RBFOX1: variants seen among roughly 807,000 people sequenced by gnomAD.
RBFOX1 encodes RNA binding fox-1 homolog 1.
A neutral mutation model predicts 57.7 loss-of-function variants in RBFOX1; 8 were observed. The observed-to-expected ratio is 0.14, with a 90% confidence interval of 0.08 to 0.25. RBFOX1 has a LOEUF of 0.25. RBFOX1 is among the 10% of genes least tolerant of loss of function. The pLI is 1.00. For synonymous variants in RBFOX1, 326 were observed against 222.4 expected, an observed-to-expected ratio of 1.47 and a Z score of -4.15; for missense variants, 611 against 548.5, an observed-to-expected ratio of 1.11 and a Z score of -1.14.
intron 3 of RBFOX1, among the ~76,000 whole-genome samples, chr16:5,779,665 T>A (rs1296272770): frequency 6.6e-6 from 1 of 152,180 alleles, no homozygotes; most frequent in Non-Finnish European, 1.5e-5. Context: ...TACTGGAAAT[T>A]CTTCCAAAGG....
chr16:6,252,858 G>T (rs769015050), intron 1 of RBFOX1, among the ~76,000 whole-genome samples: 2 of 152,150 alleles, frequency 1.3e-5, no homozygotes, highest in South Asian at 4.1e-4. Flanking sequence ...TGAATGGATC[G>T]TGTAGGCACA....
chr16:7,455,002 T>G (rs1289517519), intron 4 of RBFOX1, among the ~76,000 whole-genome samples: 1 of 152,208 alleles, frequency 6.6e-6, no homozygotes, highest in African/African-American at 2.4e-5. Flanking sequence ...ATTTTGCTCA[T>G]GGGTTCATTT....
At chr16:5,696,721 CTTA>C (rs768407542) in intron 3 of RBFOX1, among the ~76,000 whole-genome samples, 48 of 152,290 alleles carry the variant, frequency 3.2e-4, no homozygotes, top group Non-Finnish European at 6.6e-4. Context: ...AGTTTACATT[CTTA>C]TGATATTGCC....
intron 3 of RBFOX1, among the ~76,000 whole-genome samples, chr16:7,024,850 C>T (rs1222243483): frequency 6.6e-6 from 1 of 152,140 alleles, no homozygotes; most frequent in East Asian, 1.9e-4. Flanking sequence ...GGCTGGGTGT[C>T]ACGTGGCTCA....
At chr16:7,219,699 C>A (rs113077835) in intron 4 of RBFOX1, among the ~76,000 whole-genome samples, 4,506 of 152,210 alleles carry the variant, frequency 0.03, 87 homozygotes, top group Middle Eastern at 0.058. Flanking sequence ...TCTGAGTACA[C>A]CCTGGAAACA....
chr16:6,330,115 G>A (rs926932950), intron 2 of RBFOX1, among the ~76,000 whole-genome samples: 9 of 152,084 alleles, frequency 5.9e-5, no homozygotes, highest in African/African-American at 1.4e-4. Flanking sequence ...TATGTCTGTA[G>A]TTTAATACTA....
intron 2 of RBFOX1, among the ~76,000 whole-genome samples, chr16:6,557,033 ACAC>A (rs2097109826): frequency 4.0e-5 from 5 of 124,492 alleles, no homozygotes; most frequent in African/African-American, 1.8e-4. Flanking sequence ...ATACATATAT[ACAC>A]ATATATATAC....
intron 4 of RBFOX1, among the ~76,000 whole-genome samples, chr16:5,884,357 C>G (rs2057841748): frequency 6.6e-6 from 1 of 152,004 alleles, no homozygotes; most frequent in South Asian, 2.1e-4. Flanking sequence ...GTCTGGCTTC[C>G]CAGACTAATT....
At chr16:5,699,818 G>C (rs987952852) in intron 3 of RBFOX1, among the ~76,000 whole-genome samples, 22 of 152,072 alleles carry the variant, frequency 1.4e-4, no homozygotes, top group African/African-American at 4.6e-4. Flanking sequence ...CATTATCTTT[G>C]TGTTCTGGTT....
At chr16:5,970,263 T>G (rs1437034549) in intron 4 of RBFOX1, among the ~76,000 whole-genome samples, 2 of 152,196 alleles carry the variant, frequency 1.3e-5, no homozygotes, top group Non-Finnish European at 2.9e-5. Context: ...TTTACTCATT[T>G]TGTTCTGGTT....
chr16:7,657,531 C>T (rs1383274032), intron 12 of RBFOX1, among the ~76,000 whole-genome samples: 1 of 152,180 alleles, frequency 6.6e-6, no homozygotes, highest in Non-Finnish European at 1.5e-5. Context: ...TCTTGAACTC[C>T]TGACCTCAGG....
At chr16:6,623,373 A>C (rs1202156385) in intron 2 of RBFOX1, among the ~76,000 whole-genome samples, 1 of 152,106 alleles carries the variant, frequency 6.6e-6, no homozygotes, top group Admixed American at 6.5e-5. Flanking sequence ...TGACAGCTCA[A>C]GTGTTCTGAT....
At chr16:6,148,077 C>A (rs988327285) in intron 1 of RBFOX1, among the ~76,000 whole-genome samples, 30 of 152,222 alleles carry the variant, frequency 2.0e-4, no homozygotes, top group African/African-American at 7.2e-4. Flanking sequence ...GCCTGTAATC[C>A]CAGCACTTCG....
intron 4 of RBFOX1, among the ~76,000 whole-genome samples, chr16:7,415,290 C>G (rs1253652322): frequency 1.3e-5 from 2 of 152,178 alleles, no homozygotes; most frequent in African/African-American, 4.8e-5. Flanking sequence ...GTACCACTGG[C>G]TAGCATTATA....
chr16:6,676,135 C>A (rs1177811987), intron 3 of RBFOX1, among the ~76,000 whole-genome samples: 1 of 17,972 alleles, frequency 5.6e-5, no homozygotes, highest in Non-Finnish European at 1.5e-4. Flanking sequence ...GGGACACACA[C>A]ACACGCGCAC....
At chr16:7,470,875 C>G (rs1379970967) in intron 4 of RBFOX1, among the ~76,000 whole-genome samples, 1 of 151,118 alleles carries the variant, frequency 6.6e-6, no homozygotes, top group East Asian at 1.9e-4. Flanking sequence ...AAGAGTAGAT[C>G]TCAGGGCGGG....
At chr16:6,604,632 A>C (rs9933610) in intron 2 of RBFOX1, among the ~76,000 whole-genome samples, 26,396 of 152,224 alleles carry the variant, frequency 0.17, 2,822 homozygotes, top group African/African-American at 0.3. Flanking sequence ...TACTGAGTAT[A>C]TAAAACCCAT....
intron 1 of RBFOX1, among the ~76,000 whole-genome samples, chr16:6,276,843 C>T (rs1048373920): frequency 2.6e-5 from 4 of 151,786 alleles, no homozygotes; most frequent in Admixed American, 2.0e-4. Flanking sequence ...TAACTATGCT[C>T]CTTCCAGGAA....
At chr16:7,705,490 G>A (rs951014605) in intron 14 of RBFOX1, among the ~76,000 whole-genome samples, 1 of 152,142 alleles carries the variant, frequency 6.6e-6, no homozygotes, top group African/African-American at 2.4e-5. Flanking sequence ...TAGCAACAGA[G>A]CAAGACCAAC....
Sources: gnomAD v4.1 joint callset for allele counts (sites outside exome capture counted in the v4.1 genomes callset) on GRCh38, gnomAD v4.1.1 for gene constraint, MANE v1.5 for transcripts, NCBI Gene and HGNC (gene_info 2026-07-23, HGNC 2026-07-21) for gene names.